PRKD1: variants seen among roughly 807,000 people sequenced by gnomAD.
PRKD1 encodes protein kinase D1.
Under a neutral mutation model 95.9 loss-of-function variants are expected in PRKD1, and 63 were observed. That is an observed-to-expected ratio of 0.66 (90% CI 0.54 to 0.81). PRKD1 has a LOEUF of 0.81. PRKD1 is among the 30% of genes least tolerant of loss of function. The pLI is 0.00. For synonymous variants in PRKD1, 425 were observed against 423.1 expected (o/e 1.00, Z -0.05); for missense variants, 1,048 against 1,165.3 (o/e 0.90, Z 1.47).
intron 2 of PRKD1, among the ~76,000 whole-genome samples, chr14:29,707,601 C>T (rs1412490239): frequency 1.3e-5 from 2 of 152,044 alleles, no homozygotes; most frequent in African/African-American, 2.4e-5. Context: ...TCTGTAAGTC[C>T]AGTATCACTC....
At chr14:29,916,005 G>C (rs1894876065) in intron 1 of PRKD1, among the ~76,000 whole-genome samples, 2 of 152,144 alleles carry the variant, frequency 1.3e-5, no homozygotes, top group Admixed American at 6.5e-5. Flanking sequence ...GAAAAGCCAA[G>C]ATACAGATTG....
intron 2 of PRKD1, among the ~76,000 whole-genome samples, chr14:29,668,677 A>G (rs1157527582): frequency 6.6e-6 from 1 of 152,234 alleles, no homozygotes; most frequent in East Asian, 1.9e-4. Context: ...CTGAAGCAAA[A>G]TAATCTCTGG....
At chr14:29,598,726 AT>A (rs1893404362) in intron 15 of PRKD1, among the ~76,000 whole-genome samples, 2 of 152,202 alleles carry the variant, frequency 1.3e-5, no homozygotes, top group Non-Finnish European at 2.9e-5. Context: ...GAGGTTTAAT[AT>A]CTTGCCCATT....
chr14:29,839,968 C>T (rs937595675), intron 1 of PRKD1, among the ~76,000 whole-genome samples: 2 of 152,120 alleles, frequency 1.3e-5, no homozygotes, highest in Admixed American at 6.5e-5. Context: ...CCATGAAGAC[C>T]TCTGACATGC....
At chr14:29,583,837 T>C (rs1024497401) in intron 16 of PRKD1, among the ~76,000 whole-genome samples, 13 of 152,312 alleles carry the variant, frequency 8.5e-5, no homozygotes, top group African/African-American at 3.1e-4. Context: ...AAAAAAAATT[T>C]ATTTTTTGAA....
intron 1 of PRKD1, among the ~76,000 whole-genome samples, chr14:29,826,826 T>TATATATACACATATATATAC (rs1891197189): frequency 1.4e-4 from 3 of 21,198 alleles, no homozygotes; most frequent in African/African-American, 2.2e-4. Context: ...CATATATATA[T>TATATATACACATATATATAC]ATATATATAT....
chr14:29,663,046 T>C (rs910665325), intron 4 of PRKD1, among the ~76,000 whole-genome samples: 1 of 147,010 alleles, frequency 6.8e-6, no homozygotes, highest in Non-Finnish European at 1.5e-5. Flanking sequence ...GATATATATA[T>C]ATTTATTTGC....
At chr14:29,587,989 C>A (rs1892994394) in intron 16 of PRKD1, among the ~76,000 whole-genome samples, 1 of 152,162 alleles carries the variant, frequency 6.6e-6, no homozygotes, top group African/African-American at 2.4e-5. Flanking sequence ...TGGCTAGTCT[C>A]CTCGCCTCTC....
chr14:29,885,614 G>T (rs1050347960), intron 1 of PRKD1, among the ~76,000 whole-genome samples: 7 of 152,112 alleles, frequency 4.6e-5, no homozygotes, highest in African/African-American at 1.7e-4. Context: ...AATAAGAACA[G>T]CATTTGCCAG....
intron 1 of PRKD1, among the ~76,000 whole-genome samples, chr14:29,840,609 C>T (rs958807487): frequency 7.2e-5 from 11 of 152,028 alleles, no homozygotes; most frequent in African/African-American, 2.7e-4. Flanking sequence ...ATACCTGAGA[C>T]GAGGGAATTT....
rs1880544082 is a variant in PRKD1 at position 29,638,682 on chromosome 14, A to G, written c.907+12T>C. 1 of 1,613,438 alleles carries G rather than the reference A, an allele frequency of 6.2e-7. No homozygotes were observed. Among genetic ancestry groups the G allele is most frequent in the South Asian group, 1.1e-5 (1 of 91,084 alleles). On this transcript the variant is annotated intron_variant, in intron 5 of 17. Coordinates refer to ENST00000331968, the MANE Select transcript of PRKD1 (RefSeq NM_002742.3). Reference sequence around the variant, plus strand: ...GTGATCAAAGTTCGACAGGTGACAAAATCATCCTTACCTTTGCACTGCAAG... The same window carrying G: ...GTGATCAAAGTTCGACAGGTGACAAGATCATCCTTACCTTTGCACTGCAAG...
chr14:29,734,028 C>CTTTTTTTTTTTTTTTTTTTTTTTTTT (rs58908662), intron 1 of PRKD1, among the ~76,000 whole-genome samples: 1 of 64,640 alleles, frequency 1.5e-5, no homozygotes, highest in African/African-American at 7.9e-5. Context: ...ACTTTCCTGC[C>CTTTTTTTTTTTTTTTTTTTTTTTTTT]TTTTTTTTTT....
intron 1 of PRKD1, among the ~76,000 whole-genome samples, chr14:29,741,850 T>C (rs1020082868): frequency 6.6e-6 from 1 of 151,206 alleles, no homozygotes; most frequent in African/African-American, 2.5e-5. Flanking sequence ...AGTGACAAAC[T>C]GATTTTTTTT....
At chr14:29,756,513 A>G (rs1386468149) in intron 1 of PRKD1, among the ~76,000 whole-genome samples, 1 of 152,190 alleles carries the variant, frequency 6.6e-6, no homozygotes. Flanking sequence ...GTAAAAAAAC[A>G]CTAATGGCAC....
At chr14:29,889,259 C>T (rs1893852695) in intron 1 of PRKD1, among the ~76,000 whole-genome samples, 1 of 152,126 alleles carries the variant, frequency 6.6e-6, no homozygotes, top group African/African-American at 2.4e-5. Flanking sequence ...AAAACAACAC[C>T]TAAAGATGGC....
At chr14:29,741,873 T>C (rs1886994812) in intron 1 of PRKD1, among the ~76,000 whole-genome samples, 1 of 152,114 alleles carries the variant, frequency 6.6e-6, no homozygotes, top group African/African-American at 2.4e-5. Context: ...AAAAACTCCC[T>C]TTCTTTGATT....
intron 16 of PRKD1, among the ~76,000 whole-genome samples, chr14:29,581,545 G>A (rs1315707415): frequency 1.3e-5 from 2 of 152,094 alleles, no homozygotes; most frequent in African/African-American, 4.8e-5. Flanking sequence ...GAAACCCAGG[G>A]GGACTGGAAT....
chr14:29,722,080 T>C (rs972388698), intron 2 of PRKD1, among the ~76,000 whole-genome samples: 6 of 152,170 alleles, frequency 3.9e-5, no homozygotes, highest in African/African-American at 1.2e-4. Flanking sequence ...TTGAAATTTT[T>C]CCCTATTTTT....
chr14:29,726,349 A>G (rs1886140770), intron 1 of PRKD1, among the ~76,000 whole-genome samples: 1 of 152,192 alleles, frequency 6.6e-6, no homozygotes, highest in Non-Finnish European at 1.5e-5. Context: ...TGTTAAAGCA[A>G]ACAACCTAGG....
Sources: gnomAD v4.1 joint callset for allele counts (sites outside exome capture counted in the v4.1 genomes callset) on GRCh38, gnomAD v4.1.1 for gene constraint, MANE v1.5 for transcripts, NCBI Gene and HGNC (gene_info 2026-07-23, HGNC 2026-07-21) for gene names.